The following THAP5 variants were observed in gnomAD, a reference collection of about 807,000 sequenced individuals.
The protein encoded by THAP5 is THAP domain containing 5.
In THAP5, 26 loss-of-function variants were observed where a neutral mutation model predicts 34.0. The ratio of observed to expected loss-of-function variants is 0.77; its 90% CI spans 0.56 to 1.06. The LOEUF is 1.06. THAP5 is among the 50% of genes least tolerant of loss of function. THAP5 has a pLI of 0.00. For missense variants in THAP5, 394 were observed against 452.8 expected (o/e 0.87, Z 1.18); for synonymous variants, 125 against 153.0 (o/e 0.82, Z 1.35).
At chr7:108,561,923 T>C (rs912083815), downstream of THAP5, among the ~76,000 whole-genome samples, 1 of 152,174 alleles carries the variant, frequency 6.6e-6, no homozygotes, top group Non-Finnish European at 1.5e-5. Flanking sequence ...AGAATGATTA[T>C]TATGGTCCAG....
the THAP5 span, among the ~76,000 whole-genome samples, chr7:108,544,848 G>A: frequency 3.9e-4 from 60 of 151,976 alleles, no homozygotes; most frequent in Non-Finnish European, 7.4e-4. Flanking sequence ...TTATAGAGAC[G>A]GGGTTTCATC....
Position 108,562,522 on chromosome 7 carries a change from CCAGT to C in THAP5, c.*1665_*1668del, listed in dbSNP as rs1790369995. On this transcript the variant is annotated 3_prime_UTR_variant, in exon 3 of 3. Transcript: ENST00000415914. ...TGCATTTACAAAACAATATTATTTGCCAGTCAGAGTCAACTTTTATTGAGCACCT... is the reference window on the plus strand; with the variant it reads ...TGCATTTACAAAACAATATTATTTGCCAGAGTCAACTTTTATTGAGCACCT... 1 of 152,150 alleles carries C rather than the reference CCAGT, an allele frequency of 6.6e-6. No individual in the cohort carries two copies. 9.4% of individuals were successfully genotyped at this position (152,150 alleles called of 1,614,324 possible). A position where few individuals can be genotyped will look rare whatever the true frequency, so the allele number is the denominator to read the frequency against.
At chr7:108,556,604 G>C (rs1864387507) in intron 1 of THAP5, among the ~76,000 whole-genome samples, 1 of 152,196 alleles carries the variant, frequency 6.6e-6, no homozygotes, top group Non-Finnish European at 1.5e-5. Context: ...TGATGCAAGG[G>C]GTGGGCTCCC....
At chr7:108,569,071 G>A in intron 1 of THAP5, 2 of 1,006,764 alleles carry the variant, frequency 2.0e-6, no homozygotes, top group South Asian at 7.8e-5. Context: ...GGAGAAAAGT[G>A]GGATGAAATT....
chr7:108,569,011 C>G (rs191778953), intron 1 of THAP5: 1 of 740,144 alleles, frequency 1.4e-6, no homozygotes, highest in East Asian at 1.1e-4. Context: ...GGCTCTGACA[C>G]TAAACTTTCA....
At position 108,562,741 on chromosome 7, in the gene THAP5, CAT is replaced by C. The variant is rs1790381281; in HGVS notation, c.*1448_*1449del. Reference sequence around the variant, plus strand: ...ATTTTAAGAAAACATCTATTTGTTACATTTGTGTCATTACTACAAAATCTTTG... The same window carrying C: ...ATTTTAAGAAAACATCTATTTGTTACTTGTGTCATTACTACAAAATCTTTG... On this transcript the variant is annotated 3_prime_UTR_variant, in exon 3 of 3. Coordinates refer to ENST00000415914, the MANE Select transcript of THAP5 (RefSeq NM_001130475.3). 6.6e-6 allele frequency: 1 copy of C among 152,166 alleles called. No homozygotes were observed. The highest frequency in any genetic ancestry group is 2.4e-5 in the African/African-American group (1 of 41,428). 9.4% of individuals were successfully genotyped at this position (152,166 alleles called of 1,614,324 possible).
chr7:108,553,267 T>A (rs1864365218), downstream of THAP5, among the ~76,000 whole-genome samples: 1 of 152,060 alleles, frequency 6.6e-6, no homozygotes, highest in African/African-American at 2.4e-5. Flanking sequence ...GGTCTCAAAC[T>A]CCTGGCCTCA....
the THAP5 span, among the ~76,000 whole-genome samples, chr7:108,543,524 C>T: frequency 1.2e-4 from 18 of 152,272 alleles, no homozygotes; most frequent in Admixed American, 9.8e-4. Flanking sequence ...TCTGCCATCA[C>T]GATGGTACTA....
chr7:108,564,450 TC>T lies in THAP5; in HGVS notation c.928del (p.Asp310MetfsTer2). 2 of 1,613,946 alleles carry T rather than the reference TC, an allele frequency of 1.2e-6. No homozygotes were observed. Among genetic ancestry groups the T allele is most frequent in the Non-Finnish European group, 1.7e-6 (2 of 1,179,912 alleles). On this transcript the variant is annotated frameshift_variant, in exon 3 of 3. Coordinates refer to ENST00000415914, the MANE Select transcript of THAP5 (RefSeq NM_001130475.3). LOFTEE classifies it high-confidence loss of function. Reference protein sequence around the residue: ...DTDIEDSLYKDVDYGTEVLQI... With the variant: ...DTDIEDSLYKXVDYGTEVLQI... ...TAAAACTTCTGTCCCATAGTCTACA[TC>T]CTTATACAAGGAGTCTTCAATGTCT... is the stretch of plus-strand genomic sequence containing the variant.
At chr7:108,543,693 C>T in the THAP5 span, among the ~76,000 whole-genome samples, 1 of 152,168 alleles carries the variant, frequency 6.6e-6, no homozygotes, top group Non-Finnish European at 1.5e-5. Context: ...TATTGCTATA[C>T]TAAATTGTTC....
downstream of THAP5, among the ~76,000 whole-genome samples, chr7:108,557,715 T>A (rs1007036584): frequency 6.6e-6 from 1 of 152,230 alleles, no homozygotes; most frequent in East Asian, 1.9e-4. Flanking sequence ...CATTTTCCTA[T>A]CTTCATCTGA....
At chr7:108,544,488 G>C in the THAP5 span, among the ~76,000 whole-genome samples, 9 of 151,086 alleles carry the variant, frequency 6.0e-5, no homozygotes, top group African/African-American at 1.9e-4. Context: ...CCGAGATCGC[G>C]CCACTGCACT....
the THAP5 span, among the ~76,000 whole-genome samples, chr7:108,547,329 C>A: frequency 6.6e-6 from 1 of 152,122 alleles, no homozygotes; most frequent in Non-Finnish European, 1.5e-5. Context: ...ATGAAATTAA[C>A]CTCATTTCAC....
chr7:108,546,773 C>G, the THAP5 span, among the ~76,000 whole-genome samples: 2 of 152,232 alleles, frequency 1.3e-5, no homozygotes, highest in Admixed American at 1.3e-4. Flanking sequence ...TATTAAAAAG[C>G]TTTGTTTACA....
chr7:108,569,358 G>A, intron 1 of THAP5, 132 bp downstream of exon 1: 1 of 1,502,092 alleles, frequency 6.7e-7, no homozygotes, highest in Non-Finnish European at 8.9e-7. Flanking sequence ...CCTCCGTCTT[G>A]CCGCGGGCGA....
intron 1 of THAP5, 120 bp from the exon 2 acceptor site, chr7:108,566,142 A>G: frequency 1.3e-6 from 1 of 744,306 alleles, no homozygotes; most frequent in Non-Finnish European, 2.1e-6. Flanking sequence ...TACAAGAGGA[A>G]GGCAACCATC....
At chr7:108,565,264 G>A (rs528373499) in intron 2 of THAP5, 159 bp from the exon 3 acceptor site, 29 of 542,166 alleles carry the variant, frequency 5.3e-5, no homozygotes, top group African/African-American at 5.2e-4. Flanking sequence ...TTTCTAAAAA[G>A]CATTAATCCC....
At chr7:108,553,130 T>G (rs1864363989), downstream of THAP5, among the ~76,000 whole-genome samples, 1 of 152,168 alleles carries the variant, frequency 6.6e-6, no homozygotes. Flanking sequence ...TACCTGACAC[T>G]TAGTAAAATG....
chr7:108,544,265 A>G, the THAP5 span, among the ~76,000 whole-genome samples: 1 of 152,080 alleles, frequency 6.6e-6, no homozygotes, highest in Non-Finnish European at 1.5e-5. Flanking sequence ...GCTGGTTTAC[A>G]TCTGTAATCC....
Sources: allele counts gnomAD v4.1 joint callset (sites outside exome capture counted in the v4.1 genomes callset), GRCh38; gene constraint gnomAD v4.1.1; transcripts MANE v1.5; gene names NCBI Gene and HGNC (gene_info 2026-07-23, HGNC 2026-07-21).